GFRAL: variants seen among roughly 807,000 people sequenced by gnomAD.
The protein encoded by GFRAL is GDNF family receptor alpha-like.
In GFRAL, 36 loss-of-function variants were observed where a neutral mutation model predicts 45.4. That is an observed-to-expected ratio of 0.79 (90% CI 0.61 to 1.05). The LOEUF is 1.05. GFRAL is among the 50% of genes least tolerant of loss of function. The pLI is 0.00. For synonymous variants in GFRAL, 166 were observed against 154.1 expected (o/e 1.08, Z -0.57); for missense variants, 507 against 467.5 (o/e 1.08, Z -0.78).
At chr6:55,361,860 C>T (rs1006933770) in intron 6 of GFRAL, among the ~76,000 whole-genome samples, 3 of 151,928 alleles carry the variant, frequency 2.0e-5, no homozygotes, top group African/African-American at 7.2e-5. Context: ...TTGAAAGGGT[C>T]AGAACTGAGT....
rs543359367 is a variant in GFRAL at position 55,374,479 on chromosome 6, G to GT, written c.952+15349dup. ...TACCCACTTTTTAATAGTGTTGCTT[G>GT]TTTTTTTTCTTTTCAATTTGTTTAA... is the stretch of plus-strand genomic sequence containing the variant. On this transcript the variant is annotated intron_variant, in intron 6 of 8. Coordinates refer to ENST00000340465, the MANE Select transcript of GFRAL (RefSeq NM_207410.2). Among the ~76,000 whole-genome samples, 662 of 151,676 alleles carry GT rather than the reference G, an allele frequency of 4.4e-3. 5 individuals are homozygous for GT. Among genetic ancestry groups the GT allele is most frequent in the African/African-American group, 0.014 (577 of 41,384 alleles).
Position 55,385,532 on chromosome 6 carries a change from G to A in GFRAL, c.953-13648G>A, listed in dbSNP as rs181065506. Among the ~76,000 whole-genome samples, 332 of 152,004 alleles carry A rather than the reference G, an allele frequency of 2.2e-3. 1 individual carries two copies. The highest frequency in any genetic ancestry group is 7.1e-3 in the African/African-American group (293 of 41,484). On this transcript the variant is annotated intron_variant, in intron 6 of 8. Coordinates refer to ENST00000340465, the MANE Select transcript of GFRAL (RefSeq NM_207410.2). ...CTTTTACCCAAAAGAAAACAGAGGC[G>A]ACTAAAAATTAGTAACTTGTCCAAG... is the stretch of plus-strand genomic sequence containing the variant.
chr6:55,347,472 G>A (rs1768058239), intron 3 of GFRAL, among the ~76,000 whole-genome samples: 1 of 152,090 alleles, frequency 6.6e-6, no homozygotes, highest in Non-Finnish European at 1.5e-5. Flanking sequence ...ATCTGAGGTA[G>A]AGGAGAATAT....
At chr6:55,332,844 A>G (rs576582767) in intron 2 of GFRAL, among the ~76,000 whole-genome samples, 64 of 152,218 alleles carry the variant, frequency 4.2e-4, no homozygotes, top group African/African-American at 1.5e-3. Context: ...TATAAACTAC[A>G]AATAGAATAA....
chr6:55,366,816 T>C, intron 6 of GFRAL, among the ~76,000 whole-genome samples: 1 of 118,116 alleles, frequency 8.5e-6, no homozygotes, highest in Non-Finnish European at 1.7e-5. Context: ...TAGTTTGTTA[T>C]AATTTCTGTT....
chr6:55,364,623 T>A (rs890672697), intron 6 of GFRAL, among the ~76,000 whole-genome samples: 11 of 148,488 alleles, frequency 7.4e-5, no homozygotes, highest in Admixed American at 6.7e-5. Flanking sequence ...GTATAAGGTG[T>A]AAGGAAGGGA....
In GFRAL at chr6:55,386,012, A is replaced by G. The variant is rs188820397; in HGVS notation, c.953-13168A>G. Among the ~76,000 whole-genome samples, 316 of 152,196 alleles carry G rather than the reference A, an allele frequency of 2.1e-3. 1 individual carries two copies. The highest frequency in any genetic ancestry group is 7.0e-3 in the African/African-American group (290 of 41,566). On this transcript the variant is annotated intron_variant, in intron 6 of 8. Coordinates refer to ENST00000340465, the MANE Select transcript of GFRAL (RefSeq NM_207410.2). ...GTATGTGGCCCCCTCTGGAGTGACT[A>G]TTTATTTAATATTAAAAAGACAAGT... is the stretch of plus-strand genomic sequence containing the variant.
chr6:55,362,277 A>G (rs1768285764), intron 6 of GFRAL, among the ~76,000 whole-genome samples: 1 of 151,138 alleles, frequency 6.6e-6, no homozygotes, highest in South Asian at 2.1e-4. Context: ...TGATAATGAA[A>G]AAAAAAAAAA....
At chr6:55,355,106 A>C (rs1364353717) in intron 5 of GFRAL, among the ~76,000 whole-genome samples, 1 of 152,026 alleles carries the variant, frequency 6.6e-6, no homozygotes, top group African/African-American at 2.4e-5. Flanking sequence ...ATTGATTTAA[A>C]ACAGATGACA....
intron 5 of GFRAL, among the ~76,000 whole-genome samples, chr6:55,356,293 T>A (rs62419066): frequency 0.16 from 24,617 of 151,894 alleles, 2,288 homozygotes; most frequent in African/African-American, 0.25. Flanking sequence ...GTAGAATTGG[T>A]ATTAGTTCCT....
intron 5 of GFRAL, among the ~76,000 whole-genome samples, chr6:55,355,361 A>C (rs1366832926): frequency 6.6e-6 from 1 of 152,046 alleles, no homozygotes; most frequent in African/African-American, 2.4e-5. Context: ...AAATTAAAAA[A>C]AAGAAAATTC....
chr6:55,337,910 A>T (rs1462016939), intron 3 of GFRAL, among the ~76,000 whole-genome samples: 1 of 152,122 alleles, frequency 6.6e-6, no homozygotes, highest in Non-Finnish European at 1.5e-5. Context: ...CTAACATAAA[A>T]CCTTGAGCCA....
intron 6 of GFRAL, among the ~76,000 whole-genome samples, chr6:55,395,748 T>C (rs1006090816): frequency 6.8e-6 from 1 of 147,326 alleles, no homozygotes; most frequent in African/African-American, 2.5e-5. Context: ...TCAGTCCCCA[T>C]GAACTCTCAA....
At chr6:55,372,620 G>A (rs2127361024) in intron 6 of GFRAL, among the ~76,000 whole-genome samples, 1 of 152,204 alleles carries the variant, frequency 6.6e-6, no homozygotes, top group Admixed American at 6.5e-5. Context: ...TTGCCTCACA[G>A]TCATAAAGGA....
In GFRAL at chr6:55,381,876, G is replaced by A. The variant is rs188172087; in HGVS notation, c.953-17304G>A. Among the ~76,000 whole-genome samples, 355 of 151,736 alleles carry A rather than the reference G, an allele frequency of 2.3e-3. 1 individual carries two copies. The highest frequency in any genetic ancestry group is 7.6e-3 in the African/African-American group (315 of 41,420). On this transcript the variant is annotated intron_variant, in intron 6 of 8. Transcript: ENST00000340465. ...CTTATGCACACAGATATACATACAC[G>A]TATACATAAATGCACATACATCACC...
intron 6 of GFRAL, among the ~76,000 whole-genome samples, chr6:55,361,799 A>G (rs767645090): frequency 6.6e-6 from 1 of 152,038 alleles, no homozygotes; most frequent in Non-Finnish European, 1.5e-5. Flanking sequence ...TTTTCAAAAG[A>G]TCGGTCATTA....
intron 8 of GFRAL, 118 bp from the exon 9 acceptor site, chr6:55,401,672 G>C: frequency 1.4e-6 from 1 of 692,884 alleles, no homozygotes; most frequent in Middle Eastern, 3.6e-4. Flanking sequence ...TTACATTCTG[G>C]AACTTGATTA....
intron 3 of GFRAL, among the ~76,000 whole-genome samples, chr6:55,348,437 C>T (rs1768073241): frequency 6.6e-6 from 1 of 152,118 alleles, no homozygotes; most frequent in Admixed American, 6.6e-5. Flanking sequence ...AATTAGGCTG[C>T]TCTGGCTACC....
chr6:55,362,613 G>A (rs986468865), intron 6 of GFRAL, among the ~76,000 whole-genome samples: 9 of 152,000 alleles, frequency 5.9e-5, no homozygotes, highest in African/African-American at 2.2e-4. Flanking sequence ...AGAGAAGTTG[G>A]TTAAGAGACA....
Sources: gnomAD v4.1 joint callset for allele counts (sites outside exome capture counted in the v4.1 genomes callset) on GRCh38, gnomAD v4.1.1 for gene constraint, MANE v1.5 for transcripts, NCBI Gene and HGNC (gene_info 2026-07-23, HGNC 2026-07-21) for gene names.